The following ASCC3 variants were observed in gnomAD, a reference collection of about 807,000 sequenced individuals.
The protein encoded by ASCC3 is activating signal cointegrator 1 complex subunit 3.
In ASCC3, 158 loss-of-function variants were observed where a neutral mutation model predicts 256.3. The observed-to-expected ratio is 0.62, with a 90% CI of 0.54 to 0.70. The LOEUF (loss-of-function observed/expected upper bound fraction) is 0.70. ASCC3 is among the 30% of genes least tolerant of loss of function. The pLI is 0.00. For missense variants in ASCC3, 2,259 were observed against 2,626.0 expected, an observed-to-expected ratio of 0.86 and a Z score of 3.05; for synonymous variants, 948 against 883.4, an observed-to-expected ratio of 1.07 and a Z score of -1.30.
intron 4 of ASCC3, among the ~76,000 whole-genome samples, chr6:100,817,541 G>A (rs754309885): frequency 9.9e-5 from 15 of 151,868 alleles, no homozygotes; most frequent in Non-Finnish European, 1.9e-4. Context: ...GATTGACCAC[G>A]AACAAAAGAG....
At chr6:100,832,077 T>A (rs538993023) in intron 4 of ASCC3, among the ~76,000 whole-genome samples, 202 of 152,222 alleles carry the variant, frequency 1.3e-3, no homozygotes, top group Non-Finnish European at 1.6e-3. Flanking sequence ...AGTGAGAGGT[T>A]CCAATATATC....
intron 10 of ASCC3, among the ~76,000 whole-genome samples, chr6:100,757,068 C>T (rs1781213255): frequency 6.6e-6 from 1 of 152,052 alleles, no homozygotes; most frequent in Non-Finnish European, 1.5e-5. Flanking sequence ...CCAAACAGAT[C>T]TTTTGATGTA....
intron 36 of ASCC3, among the ~76,000 whole-genome samples, chr6:100,581,876 CAA>C (rs1371754261): frequency 1.5e-4 from 22 of 150,884 alleles, no homozygotes; most frequent in African/African-American, 5.4e-4. Flanking sequence ...TCAGGTTTGT[CAA>C]AGATCAGATA....
At chr6:100,656,573 A>G (rs1420451568) in intron 16 of ASCC3, among the ~76,000 whole-genome samples, 1 of 151,574 alleles carries the variant, frequency 6.6e-6, no homozygotes, top group Non-Finnish European at 1.5e-5. Context: ...AATATTTTTA[A>G]ATATAGCATT....
chr6:100,593,861 G>A (rs1772133186), intron 34 of ASCC3, among the ~76,000 whole-genome samples: 1 of 152,018 alleles, frequency 6.6e-6, no homozygotes, highest in African/African-American at 2.4e-5. Context: ...ATTGAATCCA[G>A]AACTCAATTT....
chr6:100,722,305 T>C (rs1284847468), intron 11 of ASCC3, among the ~76,000 whole-genome samples: 1 of 151,900 alleles, frequency 6.6e-6, no homozygotes, highest in East Asian at 1.9e-4. Context: ...TAGGATTACT[T>C]TGGCTATTTG....
intron 34 of ASCC3, among the ~76,000 whole-genome samples, chr6:100,597,219 A>C (rs747151998): frequency 2.0e-5 from 3 of 152,068 alleles, no homozygotes; most frequent in African/African-American, 4.8e-5. Flanking sequence ...CTAAACATCT[A>C]TTACCTTTTA....
At chr6:100,776,799 T>C (rs1400856676) in intron 8 of ASCC3, among the ~76,000 whole-genome samples, 2 of 152,052 alleles carry the variant, frequency 1.3e-5, no homozygotes, top group African/African-American at 4.8e-5. Flanking sequence ...CCCAAGAACA[T>C]GCTGTCCCTC....
chr6:100,781,294 T>G (rs1023664456), intron 8 of ASCC3, among the ~76,000 whole-genome samples: 1 of 152,176 alleles, frequency 6.6e-6, no homozygotes, highest in African/African-American at 2.4e-5. Flanking sequence ...TCAAATAATT[T>G]TTTTCTATAG....
intron 14 of ASCC3, among the ~76,000 whole-genome samples, chr6:100,676,432 G>A (rs61019291): frequency 0.02 from 3,101 of 152,262 alleles, 104 homozygotes; most frequent in African/African-American, 0.072. Context: ...TTTTGTGAAT[G>A]TGTCCTGTTG....
chr6:100,600,200 C>G (rs1772527399), intron 34 of ASCC3, among the ~76,000 whole-genome samples: 1 of 101,536 alleles, frequency 9.8e-6, no homozygotes, highest in Non-Finnish European at 2.1e-5. Flanking sequence ...TACACACATG[C>G]ACATGCACAC....
chr6:100,698,181 T>C (rs951152279), intron 13 of ASCC3, among the ~76,000 whole-genome samples: 6 of 152,142 alleles, frequency 3.9e-5, no homozygotes, highest in Admixed American at 6.6e-5. Flanking sequence ...TTTCTTTTTA[T>C]ATCTTTGCAT....
At chr6:100,666,606 G>A (rs1011664818) in intron 14 of ASCC3, among the ~76,000 whole-genome samples, 1 of 152,022 alleles carries the variant, frequency 6.6e-6, no homozygotes, top group African/African-American at 2.4e-5. Flanking sequence ...CCATGTTCTT[G>A]GATGTGCATA....
intron 14 of ASCC3, among the ~76,000 whole-genome samples, chr6:100,671,181 A>C (rs1162404592): frequency 6.6e-6 from 1 of 152,098 alleles, no homozygotes; most frequent in Admixed American, 6.6e-5. Context: ...GAAGCTTTTT[A>C]AAAGAAGTTT....
chr6:100,655,686 A>G lies in ASCC3; in HGVS notation c.2823+13T>C. On this transcript the variant is annotated intron_variant, in intron 17 of 41. Transcript: ENST00000369162. ...AAGGTCTGAATTTTTTTTTTAATAA[A>G]TGAGTTTTCTACCTGATAAGCCTTG... 1.2e-6 allele frequency: 2 copies of G among 1,608,438 alleles called. No individual in the cohort carries two copies. Among genetic ancestry groups the G allele is most frequent in the Non-Finnish European group, 1.7e-6 (2 of 1,178,540 alleles).
chr6:100,794,621 C>A (rs894458567), intron 8 of ASCC3, among the ~76,000 whole-genome samples: 3 of 151,994 alleles, frequency 2.0e-5, no homozygotes, highest in African/African-American at 7.2e-5. Context: ...CTTTATTTTC[C>A]CAGAACTTAG....
intron 13 of ASCC3, among the ~76,000 whole-genome samples, chr6:100,689,086 T>A (rs1335824346): frequency 6.6e-6 from 1 of 152,166 alleles, no homozygotes; most frequent in Non-Finnish European, 1.5e-5. Context: ...TCCTGCTGAC[T>A]GCATCTGTGT....
intron 4 of ASCC3, among the ~76,000 whole-genome samples, chr6:100,807,020 A>G (rs992743699): frequency 6.6e-6 from 1 of 151,966 alleles, no homozygotes; most frequent in Non-Finnish European, 1.5e-5. Flanking sequence ...TACAACTAAT[A>G]GTAGTGTTTT....
intron 4 of ASCC3, among the ~76,000 whole-genome samples, chr6:100,811,251 TTA>T (rs1216857742): frequency 3.3e-5 from 5 of 152,162 alleles, no homozygotes; most frequent in African/African-American, 1.2e-4. Context: ...ATATTAATTT[TTA>T]TAAATGTTAA....
Sources: allele counts gnomAD v4.1 joint callset (sites outside exome capture counted in the v4.1 genomes callset), GRCh38; gene constraint gnomAD v4.1.1; transcripts MANE v1.5; gene names NCBI Gene and HGNC (gene_info 2026-07-23, HGNC 2026-07-21).